Variants in CSMD1 observed in about 807,000 individuals in gnomAD.
The protein encoded by CSMD1 is CUB and Sushi multiple domains 1, also known as CUB and sushi domain-containing protein 1.
In CSMD1, 213 loss-of-function variants were observed where a neutral mutation model predicts 417.5. That is an observed-to-expected ratio of 0.51 (90% confidence interval 0.46 to 0.57). CSMD1 has a LOEUF of 0.57. Ranked by LOEUF, CSMD1 falls within the 20% of genes least tolerant of loss-of-function variation. CSMD1 has a pLI of 0.00. For missense variants in CSMD1, 6,923 were observed against 4,529.7 expected (o/e 1.53, Z -15.17); for synonymous variants, 2,862 against 1,736.8 (o/e 1.65, Z -16.11).
At chr8:4,410,746 T>C (rs951967483) in intron 3 of CSMD1, among the ~76,000 whole-genome samples, 1 of 152,096 alleles carries the variant, frequency 6.6e-6, no homozygotes, top group South Asian at 2.1e-4. Context: ...ATGATTAAGA[T>C]GAAAAATATT....
At chr8:3,437,437 T>C (rs1814637214) in intron 12 of CSMD1, among the ~76,000 whole-genome samples, 1 of 152,180 alleles carries the variant, frequency 6.6e-6, no homozygotes, top group Non-Finnish European at 1.5e-5. Flanking sequence ...AAATGGGCTG[T>C]GTAATTTGTA....
intron 23 of CSMD1, among the ~76,000 whole-genome samples, chr8:3,313,089 G>T (rs932979154): frequency 2.6e-5 from 4 of 152,144 alleles, no homozygotes; most frequent in Non-Finnish European, 5.9e-5. Flanking sequence ...CACTATTTCA[G>T]AAAAGAATGT....
intron 18 of CSMD1, among the ~76,000 whole-genome samples, chr8:3,383,679 C>T (rs748706058): frequency 2.3e-4 from 19 of 84,166 alleles, no homozygotes; most frequent in African/African-American, 8.8e-4. Context: ...ATCGAAGGAA[C>T]TGTATCTAAA....
At chr8:3,734,477 G>A (rs1180114190) in intron 6 of CSMD1, among the ~76,000 whole-genome samples, 2 of 152,194 alleles carry the variant, frequency 1.3e-5, no homozygotes, top group Non-Finnish European at 2.9e-5. Context: ...TTGAGAGGCT[G>A]AGGTGGGTGG....
intron 2 of CSMD1, among the ~76,000 whole-genome samples, chr8:4,473,388 C>G (rs1021559608): frequency 1.3e-5 from 2 of 152,130 alleles, no homozygotes; most frequent in African/African-American, 4.8e-5. Context: ...TGGCTTACCC[C>G]ATTCTCATTG....
At chr8:3,925,651 A>G (rs964758630) in intron 5 of CSMD1, among the ~76,000 whole-genome samples, 2 of 151,944 alleles carry the variant, frequency 1.3e-5, no homozygotes, top group African/African-American at 4.8e-5. Context: ...GGCTTATCAG[A>G]GGTTTCCACT....
At chr8:4,946,343 A>AG (rs1808368568) in intron 1 of CSMD1, among the ~76,000 whole-genome samples, 4 of 152,166 alleles carry the variant, frequency 2.6e-5, no homozygotes. Context: ...ACAATTTTTG[A>AG]GGGTGCTTTA....
At chr8:4,771,338 C>T (rs574086633) in intron 1 of CSMD1, among the ~76,000 whole-genome samples, 90 of 152,266 alleles carry the variant, frequency 5.9e-4, no homozygotes, top group African/African-American at 2.1e-3. Flanking sequence ...ATAAATAAGT[C>T]GATTAAAAAG....
At chr8:4,987,614 A>C (rs1225327640) in intron 1 of CSMD1, among the ~76,000 whole-genome samples, 1 of 152,192 alleles carries the variant, frequency 6.6e-6, no homozygotes, top group Non-Finnish European at 1.5e-5. Context: ...ATTTTATATA[A>C]TATAAAATAT....
chr8:3,449,923 C>T (rs749748283), intron 12 of CSMD1, among the ~76,000 whole-genome samples: 1 of 152,168 alleles, frequency 6.6e-6, no homozygotes, highest in South Asian at 2.1e-4. Context: ...TTAAGAAAAA[C>T]TATTGCTCCA....
chr8:3,418,076 C>T (rs1813268857), intron 12 of CSMD1, among the ~76,000 whole-genome samples: 2 of 152,122 alleles, frequency 1.3e-5, no homozygotes, highest in Admixed American at 6.5e-5. Context: ...AGGGAAAATT[C>T]GGTTGTGTAC....
chr8:3,798,708 A>G (rs533205616), intron 5 of CSMD1, among the ~76,000 whole-genome samples: 30 of 152,266 alleles, frequency 2.0e-4, no homozygotes, highest in African/African-American at 6.5e-4. Context: ...ATGTACAAAC[A>G]TAACTGTATG....
intron 3 of CSMD1, among the ~76,000 whole-genome samples, chr8:4,069,261 T>G (rs1232396293): frequency 6.6e-6 from 1 of 152,218 alleles, no homozygotes; most frequent in Non-Finnish European, 1.5e-5. Flanking sequence ...TAAAGATTAC[T>G]GTGAATTCTT....
intron 1 of CSMD1, among the ~76,000 whole-genome samples, chr8:4,863,917 T>G (rs763685675): frequency 4.7e-5 from 7 of 148,944 alleles, no homozygotes; most frequent in Non-Finnish European, 8.9e-5. Context: ...GGAAGTGAAA[T>G]GTTATTTTTC....
chr8:3,874,977 C>G (rs1374740759), intron 5 of CSMD1, among the ~76,000 whole-genome samples: 1 of 152,032 alleles, frequency 6.6e-6, no homozygotes, highest in Non-Finnish European at 1.5e-5. Flanking sequence ...AGGAGCCAAG[C>G]AGGATGGACG....
intron 12 of CSMD1, among the ~76,000 whole-genome samples, chr8:3,466,362 T>C (rs1290001447): frequency 6.6e-6 from 1 of 152,136 alleles, no homozygotes; most frequent in Non-Finnish European, 1.5e-5. Context: ...CATCAAAACG[T>C]AGAACATTTA....
intron 15 of CSMD1, among the ~76,000 whole-genome samples, chr8:3,405,284 T>C (rs953502796): frequency 1.3e-5 from 2 of 152,216 alleles, no homozygotes; most frequent in Admixed American, 6.5e-5. Flanking sequence ...ACTATTCTGA[T>C]ATGGACTGTG....
chr8:4,096,395 C>G (rs1189346642), intron 3 of CSMD1, among the ~76,000 whole-genome samples: 2 of 152,022 alleles, frequency 1.3e-5, no homozygotes. Flanking sequence ...GCCTATGGCT[C>G]TAATCCAGAC....
chr8:4,101,353 C>T (rs1362545461), intron 3 of CSMD1, among the ~76,000 whole-genome samples: 1 of 152,166 alleles, frequency 6.6e-6, no homozygotes. Flanking sequence ...GCAGCCCTAA[C>T]CAATACCACA....
Sources: gnomAD v4.1 joint callset for allele counts (sites outside exome capture counted in the v4.1 genomes callset) on GRCh38, gnomAD v4.1.1 for gene constraint, MANE v1.5 for transcripts, NCBI Gene and HGNC (gene_info 2026-07-23, HGNC 2026-07-21) for gene names.